Variants in TMEM63C observed in about 807,000 individuals in gnomAD.
TMEM63C encodes osmosensitive cation channel TMEM63C.
Under a neutral mutation model 99.2 loss-of-function variants are expected in TMEM63C, and 32 were observed. The observed-to-expected ratio is 0.32, with a 90% CI of 0.24 to 0.43. TMEM63C has a LOEUF of 0.43. Among genes scored for constraint, TMEM63C ranks in the 20% least tolerant of loss-of-function variants. The pLI is 1.00. For synonymous variants in TMEM63C, 376 were observed against 397.9 expected (o/e 0.94, Z 0.66); for missense variants, 826 against 1,053.0 (o/e 0.78, Z 2.98).
At chr14:77,252,863 T>C (rs186107583) in intron 22 of TMEM63C, among the ~76,000 whole-genome samples, 3 of 152,358 alleles carry the variant, frequency 2.0e-5, no homozygotes, top group Admixed American at 2.0e-4. Flanking sequence ...CCGCTGACTC[T>C]GTCTAATACA....
chr14:77,221,430 C>T (rs1402686962), intron 5 of TMEM63C, among the ~76,000 whole-genome samples: 4 of 76,366 alleles, frequency 5.2e-5, no homozygotes, highest in Admixed American at 3.3e-4. Flanking sequence ...CACGCCTCCC[C>T]TCCCCACTCA....
rs8003844 is a variant in TMEM63C at position 77,250,489 on chromosome 14, G to C, written c.2038+1031G>C. Among the ~76,000 whole-genome samples, 233 of 151,378 alleles carry C rather than the reference G, an allele frequency of 1.5e-3. 1 individual carries two copies. The highest frequency in any genetic ancestry group is 5.4e-3 in the African/African-American group (222 of 41,222). ...GAGTCTCGCTCTGTCGCCCAGGCTG[G>C]AGTGCAGTGGCCTGATCTCGACCCA... On this transcript the variant is annotated intron_variant, in intron 21 of 23. Coordinates refer to ENST00000298351, the MANE Select transcript of TMEM63C (RefSeq NM_020431.4).
intron 1 of TMEM63C, among the ~76,000 whole-genome samples, chr14:77,208,585 G>T (rs1259149005): frequency 6.6e-6 from 1 of 152,204 alleles, no homozygotes; most frequent in Non-Finnish European, 1.5e-5. Context: ...AACCCCAGCT[G>T]CAAGGGAGTG....
intron 2 of TMEM63C, among the ~76,000 whole-genome samples, chr14:77,217,923 T>TG (rs1888616152): frequency 6.6e-6 from 1 of 152,070 alleles, no homozygotes. Flanking sequence ...AGTAGAAGGA[T>TG]GGTTACCAGA....
intron 16 of TMEM63C, among the ~76,000 whole-genome samples, chr14:77,245,088 G>A (rs1889246736): frequency 6.6e-6 from 1 of 152,206 alleles, no homozygotes; most frequent in Non-Finnish European, 1.5e-5. Context: ...CCACCAGGCA[G>A]CAGCCAAAAG....
chr14:77,205,202 T>C (rs1377678369), intron 1 of TMEM63C, among the ~76,000 whole-genome samples: 1 of 152,128 alleles, frequency 6.6e-6, no homozygotes, highest in Admixed American at 6.5e-5. Flanking sequence ...AAGTTTGACA[T>C]GATGAAGCCA....
rs571086354 is a variant in TMEM63C at position 77,203,125 on chromosome 14, C to T, written c.-76-10321C>T. On this transcript the variant is annotated intron_variant, in intron 1 of 23. Coordinates refer to ENST00000298351, the MANE Select transcript of TMEM63C (RefSeq NM_020431.4). Reference sequence around the variant, plus strand: ...GGGCGTGGTGGCTTATCCCTGTAATCCCAGCACTTTGGGAGGCCGAGGTGG... The same window carrying T: ...GGGCGTGGTGGCTTATCCCTGTAATTCCAGCACTTTGGGAGGCCGAGGTGG... Among the ~76,000 whole-genome samples the T allele has an allele frequency of 2.0e-5, 3 of 152,212 alleles. No homozygotes were observed. In the South Asian group the frequency reaches 6.2e-4, roughly 32 times the overall value.
At chr14:77,211,906 T>G (rs1422903178) in intron 1 of TMEM63C, among the ~76,000 whole-genome samples, 1 of 152,328 alleles carries the variant, frequency 6.6e-6, no homozygotes, top group East Asian at 1.9e-4. Flanking sequence ...CTGCCCCTCC[T>G]TGGCCCACAA....
At chr14:77,186,805 G>GTGTGTGTC (rs1566614228) in intron 1 of TMEM63C, among the ~76,000 whole-genome samples, 2 of 150,608 alleles carry the variant, frequency 1.3e-5, no homozygotes, top group Non-Finnish European at 3.0e-5. Context: ...GTGTGTCTGT[G>GTGTGTGTC]TGTGTGTGTG....
chr14:77,236,859 G>A (rs413481), intron 9 of TMEM63C, 127 bp downstream of exon 9: 49,023 of 673,578 alleles, frequency 0.073, 1,972 homozygotes, highest in Admixed American at 0.097. Flanking sequence ...GGGAGGGGGC[G>A]GTTTCACCTG....
chr14:77,205,423 A>AG (rs1242831270), intron 1 of TMEM63C, among the ~76,000 whole-genome samples: 1 of 152,098 alleles, frequency 6.6e-6, no homozygotes, highest in African/African-American at 2.4e-5. Flanking sequence ...GAGCTTGAGG[A>AG]GGGGAGGAAC....
chr14:77,245,882 G>T lies in TMEM63C; in HGVS notation c.1449-58G>T. 4.0e-6 allele frequency: 5 copies of T among 1,243,382 alleles called. No individual in the cohort carries two copies. In the South Asian group the frequency reaches 6.0e-5, roughly 15 times the overall value. 77.0% of individuals were successfully genotyped at this position (1,243,382 alleles called of 1,614,324 possible). On this transcript the variant is annotated intron_variant, in intron 16 of 23. Coordinates refer to ENST00000298351, the MANE Select transcript of TMEM63C (RefSeq NM_020431.4). ...TCTCTTCCTCTCTATTACATAGTTA[G>T]GCCTTTGGTTCTTATTAGGCCACGT...
At chr14:77,251,609 T>A (rs1443859956) in intron 21 of TMEM63C, 180 bp from the exon 22 acceptor site, 2 of 602,284 alleles carry the variant, frequency 3.3e-6, no homozygotes, top group Non-Finnish European at 5.9e-6. Flanking sequence ...GATGCCAAAT[T>A]CTAACAGAGC....
intron 18 of TMEM63C, among the ~76,000 whole-genome samples, chr14:77,247,208 C>G (rs1566631057): frequency 6.7e-6 from 1 of 149,322 alleles, no homozygotes; most frequent in African/African-American, 2.5e-5. Context: ...CAAGATATTG[C>G]TTTTTTTTTT....
intron 1 of TMEM63C, among the ~76,000 whole-genome samples, chr14:77,189,996 A>G (rs1240474620): frequency 6.6e-6 from 1 of 152,138 alleles, no homozygotes; most frequent in Admixed American, 6.5e-5. Context: ...ATCATGTGTC[A>G]TTTTATGATT....
rs200471121 is a variant in TMEM63C at position 77,219,988 on chromosome 14, C to T, written c.231-18C>T. On this transcript the variant is annotated intron_variant, in intron 4 of 23. Coordinates refer to ENST00000298351, the MANE Select transcript of TMEM63C (RefSeq NM_020431.4). ...TTTCTCTCCTTTCTTACCTCCCTGC[C>T]CCTTCCCTGGCTGGCAGCCTGACCT... The T allele has an allele frequency of 2.0e-5, 31 of 1,553,612 alleles. No individual in the cohort carries two copies. In the East Asian group the frequency reaches 4.4e-4, roughly 22 times the overall value.
At chr14:77,211,443 C>T (rs1386356758) in intron 1 of TMEM63C, among the ~76,000 whole-genome samples, 2 of 152,200 alleles carry the variant, frequency 1.3e-5, no homozygotes, top group African/African-American at 4.8e-5. Flanking sequence ...ATATTTAGCT[C>T]ATATTACTTG....
At chr14:77,221,423 G>A (rs1400186347) in intron 5 of TMEM63C, among the ~76,000 whole-genome samples, 2 of 23,276 alleles carry the variant, frequency 8.6e-5, no homozygotes, top group African/African-American at 4.0e-4. Flanking sequence ...TCCCACTCAC[G>A]CCTCCCCTCC....
intron 1 of TMEM63C, among the ~76,000 whole-genome samples, chr14:77,203,145 A>T (rs550518632): frequency 4.1e-4 from 62 of 152,276 alleles, no homozygotes; most frequent in African/African-American, 1.4e-3. Flanking sequence ...TGGGAGGCCG[A>T]GGTGGGTGAA....
Sources: allele counts gnomAD v4.1 joint callset (sites outside exome capture counted in the v4.1 genomes callset), GRCh38; gene constraint gnomAD v4.1.1; transcripts MANE v1.5; gene names NCBI Gene and HGNC (gene_info 2026-07-23, HGNC 2026-07-21).